Variants in DCDC1 observed in about 807,000 individuals in gnomAD.
DCDC1 encodes the protein doublecortin domain containing 1.
Under a neutral mutation model 178.3 loss-of-function variants are expected in DCDC1, and 200 were observed. The ratio of observed to expected loss-of-function variants is 1.12; its 90% CI spans 1.00 to 1.26. The LOEUF (loss-of-function observed/expected upper bound fraction) is 1.26. Ranked by LOEUF, DCDC1 falls within the 50% of genes most tolerant of loss-of-function variation. The pLI is 0.00. For missense variants in DCDC1, 1,983 were observed against 1,749.2 expected (o/e 1.13, Z -2.38); for synonymous variants, 690 against 604.8 (o/e 1.14, Z -2.07).
chr11:31,076,070 G>T (rs1020945208), intron 18 of DCDC1, among the ~76,000 whole-genome samples: 1 of 152,144 alleles, frequency 6.6e-6, no homozygotes, highest in East Asian at 1.9e-4. Flanking sequence ...TGTTGGTCAG[G>T]CTGGTCTCAA....
intron 20 of DCDC1, among the ~76,000 whole-genome samples, chr11:31,042,835 T>C (rs1047161723): frequency 1.3e-5 from 2 of 152,162 alleles, no homozygotes; most frequent in Non-Finnish European, 2.9e-5. Context: ...TGAAGCTGGA[T>C]CCACCCCTAA....
intron 6 of DCDC1, among the ~76,000 whole-genome samples, chr11:31,298,931 C>T (rs1947898566): frequency 6.6e-6 from 1 of 152,216 alleles, no homozygotes; most frequent in African/African-American, 2.4e-5. Flanking sequence ...GAAAACACAA[C>T]ACTCTGACTG....
At chr11:31,284,789 C>T (rs1434302543) in intron 7 of DCDC1, among the ~76,000 whole-genome samples, 1 of 151,984 alleles carries the variant, frequency 6.6e-6, no homozygotes, top group Non-Finnish European at 1.5e-5. Context: ...CAGGCACCCA[C>T]CACCATGCCC....
chr11:30,875,581 A>C (rs1008932366), intron 38 of DCDC1, among the ~76,000 whole-genome samples: 1 of 151,956 alleles, frequency 6.6e-6, no homozygotes, highest in African/African-American at 2.4e-5. Flanking sequence ...TGAATCACAA[A>C]TCTCTCAATG....
intron 20 of DCDC1, among the ~76,000 whole-genome samples, chr11:30,974,030 A>T (rs976432481): frequency 3.3e-5 from 5 of 152,170 alleles, no homozygotes; most frequent in Non-Finnish European, 7.4e-5. Context: ...CTGAAGTCAT[A>T]TCAAGTCTCT....
intron 37 of DCDC1, among the ~76,000 whole-genome samples, 191 bp downstream of exon 37, chr11:30,880,967 C>T (rs1590205566): frequency 6.6e-6 from 1 of 152,108 alleles, no homozygotes; most frequent in East Asian, 1.9e-4. Flanking sequence ...ATTGAATTCT[C>T]CAGAGCAAAC....
At chr11:31,051,902 A>C (rs1955274024) in intron 20 of DCDC1, among the ~76,000 whole-genome samples, 1 of 152,218 alleles carries the variant, frequency 6.6e-6, no homozygotes, top group African/African-American at 2.4e-5. Context: ...GGACCTATGA[A>C]GCAAAAATAC....
At chr11:30,939,016 C>T (rs962848048) in intron 21 of DCDC1, among the ~76,000 whole-genome samples, 7 of 152,110 alleles carry the variant, frequency 4.6e-5, no homozygotes, top group Non-Finnish European at 8.8e-5. Context: ...GTTTCCCTCG[C>T]GGGATAATGG....
chr11:30,867,300 C>A (rs966672098), intron 38 of DCDC1, among the ~76,000 whole-genome samples: 1 of 152,194 alleles, frequency 6.6e-6, no homozygotes, highest in Admixed American at 6.5e-5. Context: ...GTATAAATCC[C>A]AGTTCTGCCA....
chr11:31,263,969 T>C (rs1390022931), intron 8 of DCDC1, among the ~76,000 whole-genome samples: 1 of 152,236 alleles, frequency 6.6e-6, no homozygotes, highest in Non-Finnish European at 1.5e-5. Flanking sequence ...TCTCTAGAGA[T>C]ATTAGATGGA....
intron 38 of DCDC1, among the ~76,000 whole-genome samples, chr11:30,870,735 A>G (rs1032532706): frequency 3.3e-5 from 5 of 152,204 alleles, no homozygotes; most frequent in African/African-American, 1.2e-4. Context: ...TATTGTAATC[A>G]AAGTCACAGA....
At chr11:30,955,324 T>C (rs1948705604) in intron 20 of DCDC1, among the ~76,000 whole-genome samples, 1 of 152,190 alleles carries the variant, frequency 6.6e-6, no homozygotes, top group Admixed American at 6.6e-5. Context: ...CTTCACTTCC[T>C]AGTTGCATTT....
intron 7 of DCDC1, among the ~76,000 whole-genome samples, chr11:31,274,784 T>C (rs1469114378): frequency 6.6e-6 from 1 of 150,928 alleles, no homozygotes; most frequent in Non-Finnish European, 1.5e-5. Context: ...CACTGAAACA[T>C]CTGCCTCCCA....
chr11:31,010,335 T>C (rs1952098050), intron 20 of DCDC1, among the ~76,000 whole-genome samples: 1 of 152,258 alleles, frequency 6.6e-6, no homozygotes, highest in African/African-American at 2.4e-5. Context: ...CTCCCTCAGG[T>C]TGTTAGGAGA....
At chr11:31,095,550 C>T (rs1161152161) in intron 15 of DCDC1, among the ~76,000 whole-genome samples, 3 of 152,074 alleles carry the variant, frequency 2.0e-5, no homozygotes, top group Non-Finnish European at 4.4e-5. Context: ...AGAATGAAGA[C>T]ATCAAAGACA....
rs1488120076 is a variant in DCDC1 at position 31,250,413 on chromosome 11, CACAT to C, written c.1055-8801_1055-8798del. The stretch of plus-strand genomic sequence containing the variant: ...ACACACACACACACACACACACACA[CACAT>C]ATACATATATATGTATATATATATA... On this transcript the variant is annotated intron_variant, in intron 8 of 38. Transcript: ENST00000684477. Among the ~76,000 whole-genome samples the C allele has an allele frequency of 6.4e-5, 6 of 93,108 alleles. 1 individual carries two copies. The highest frequency in any genetic ancestry group is 3.0e-4 in the African/African-American group (6 of 19,832). 61.1% of individuals were successfully genotyped at this position (93,108 alleles called of 152,430 possible). A position where few individuals can be genotyped will look rare whatever the true frequency, so the allele number is the denominator to read the frequency against.
chr11:31,081,280 A>C (rs898988657), intron 17 of DCDC1, among the ~76,000 whole-genome samples: 3 of 152,236 alleles, frequency 2.0e-5, no homozygotes, highest in Non-Finnish European at 4.4e-5. Context: ...TTTTTGATAG[A>C]TGGCTAAAGA....
intron 20 of DCDC1, among the ~76,000 whole-genome samples, chr11:30,980,508 G>A (rs1257664702): frequency 2.6e-5 from 4 of 152,112 alleles, no homozygotes; most frequent in African/African-American, 9.7e-5. Flanking sequence ...GGCATGAAAG[G>A]GCAAATATTG....
At chr11:31,303,302 A>G (rs1297124961) in intron 6 of DCDC1, among the ~76,000 whole-genome samples, 1 of 152,340 alleles carries the variant, frequency 6.6e-6, no homozygotes, top group Middle Eastern at 3.4e-3. Context: ...TATCAATTGT[A>G]TATAAAATAC....
Sources: allele counts gnomAD v4.1 joint callset (sites outside exome capture counted in the v4.1 genomes callset), GRCh38; gene constraint gnomAD v4.1.1; transcripts MANE v1.5; gene names NCBI Gene and HGNC (gene_info 2026-07-23, HGNC 2026-07-21).